The following ROCK2 variants were observed in gnomAD, a reference collection of about 807,000 sequenced individuals.
The protein encoded by ROCK2 is rho-associated protein kinase 2.
A neutral mutation model predicts 195.1 loss-of-function variants in ROCK2; 61 were observed. The observed-to-expected ratio is 0.31, with a 90% CI of 0.25 to 0.39. The LOEUF (loss-of-function observed/expected upper bound fraction) is 0.39. Among genes scored for constraint, ROCK2 ranks in the 10% least tolerant of loss-of-function variants. The pLI, the probability that ROCK2 is intolerant of heterozygous loss-of-function variation, is 1.00. For synonymous variants in ROCK2, 504 were observed against 545.5 expected (o/e 0.92, Z 1.06); for missense variants, 1,109 against 1,637.4 (o/e 0.68, Z 5.57).
At chr2:11,227,550 T>C in intron 5 of ROCK2, 152 bp from the exon 6 acceptor site, 1 of 582,164 alleles carries the variant, frequency 1.7e-6, no homozygotes, top group Non-Finnish European at 2.8e-6. Context: ...ATACAGAGAA[T>C]AAATACACTG....
intron 1 of ROCK2, among the ~76,000 whole-genome samples, chr2:11,331,212 T>C (rs888028537): frequency 1.3e-5 from 2 of 152,200 alleles, no homozygotes; most frequent in Non-Finnish European, 2.9e-5. Context: ...ATTCTGAGTA[T>C]GACTTCTAGA....
intron 3 of ROCK2, among the ~76,000 whole-genome samples, chr2:11,261,255 G>A (rs865810345): frequency 6.6e-6 from 1 of 152,176 alleles, no homozygotes; most frequent in Non-Finnish European, 1.5e-5. Context: ...GCTTATTTAT[G>A]CCAAATATCT....
intron 3 of ROCK2, among the ~76,000 whole-genome samples, chr2:11,267,573 T>C (rs538512700): frequency 6.6e-6 from 1 of 151,946 alleles, no homozygotes; most frequent in East Asian, 1.9e-4. Context: ...TAACAAAGCT[T>C]CATTGCTTTC....
chr2:11,215,604 T>C lies in ROCK2; in HGVS notation c.1503A>G (p.Leu501=), dbSNP rs571494831. The change falls in exon 14 of 33, where the codon TTA becomes TTG. Residue 501 remains leucine, a synonymous_variant. Coordinates refer to ENST00000315872, the MANE Select transcript of ROCK2 (RefSeq NM_004850.5). ...GCTGAAGAAGCGCCTTTTCTCTTTC[T>C]AACTGTCTTAATGCTGATTCCACAC... ...RKSVESALRQ[L]EREKALLQHK... is the part of the protein sequence containing the mutation. 7.4e-6 allele frequency: 12 copies of C among 1,613,300 alleles called. No individual in the cohort carries two copies. In the South Asian group the frequency reaches 1.2e-4, roughly 16 times the overall value.
intron 14 of ROCK2, 43 bp downstream of exon 14, chr2:11,215,463 CACTT>C (rs774466446): frequency 1.9e-6 from 3 of 1,606,708 alleles, no homozygotes; most frequent in South Asian, 1.1e-5. Flanking sequence ...CACATACACA[CACTT>C]AATTTTTTTC....
chr2:11,184,633 C>T, intron 32 of ROCK2: 1 of 982,726 alleles, frequency 1.0e-6, no homozygotes, highest in Non-Finnish European at 1.2e-6. Flanking sequence ...CGTTGAAGTA[C>T]TAAAATAACT....
intron 3 of ROCK2, among the ~76,000 whole-genome samples, chr2:11,255,481 T>C (rs1252218606): frequency 2.7e-5 from 4 of 150,156 alleles, no homozygotes; most frequent in East Asian, 1.9e-4. Flanking sequence ...AAGCAGTCAA[T>C]AGAAAATGGC....
At chr2:11,227,421 G>GA in intron 5 of ROCK2, 23 bp from the exon 6 acceptor site, 2 of 1,589,208 alleles carry the variant, frequency 1.3e-6, no homozygotes, top group Middle Eastern at 1.7e-4. Flanking sequence ...GAGAGATAAA[G>GA]AAAAAACAGT....
At chr2:11,288,840 G>A (rs13030319) in intron 1 of ROCK2, among the ~76,000 whole-genome samples, 60,143 of 151,938 alleles carry the variant, frequency 0.4, 13,499 homozygotes, top group Admixed American at 0.52. Context: ...GGGAGGCTAA[G>A]GCAGGAGGAT....
chr2:11,269,682 G>A (rs952922515), intron 3 of ROCK2, among the ~76,000 whole-genome samples: 4 of 152,096 alleles, frequency 2.6e-5, no homozygotes, highest in East Asian at 1.9e-4. Flanking sequence ...TCCAGGTAAC[G>A]AAAGAGATTC....
chr2:11,284,733 C>A (rs1667126946), intron 3 of ROCK2, among the ~76,000 whole-genome samples: 1 of 152,130 alleles, frequency 6.6e-6, no homozygotes, highest in African/African-American at 2.4e-5. Flanking sequence ...TGCTTACAAT[C>A]CAAGGAAAAT....
chr2:11,240,236 T>G (rs1665375034), intron 4 of ROCK2, among the ~76,000 whole-genome samples: 1 of 152,332 alleles, frequency 6.6e-6, no homozygotes, highest in East Asian at 1.9e-4. Context: ...CTTCTAATCA[T>G]GTGTTTGGTC....
At chr2:11,272,479 TA>T (rs1424941896) in intron 3 of ROCK2, among the ~76,000 whole-genome samples, 1 of 152,150 alleles carries the variant, frequency 6.6e-6, no homozygotes. Flanking sequence ...TTGTTCTATA[TA>T]AAAAATTGAT....
rs571830972 is a variant in ROCK2, at chr2:11,247,543, A to G, written c.462+2118T>C. The stretch of plus-strand genomic sequence containing the variant: ...CAGATCCATTATCTCAATTACTTCA[A>G]TAATCAGCAGATTTTCTTCTATCTC... On this transcript the variant is annotated intron_variant, in intron 4 of 32. Coordinates refer to ENST00000315872, the MANE Select transcript of ROCK2 (RefSeq NM_004850.5). Among the ~76,000 whole-genome samples the G allele has an allele frequency of 2.8e-4, 43 of 152,324 alleles. No individual in the cohort carries two copies. In the South Asian group the frequency reaches 8.9e-3, roughly 32 times the overall value.
rs41439451 is a variant in ROCK2 at position 11,306,702 on chromosome 2, G to A, written c.142-18966C>T. Among the ~76,000 whole-genome samples the A allele has an allele frequency of 8.9e-3, 1,361 of 152,302 alleles. 16 individuals carry two copies. Among genetic ancestry groups the A allele is most frequent in the African/African-American group, 0.031 (1,286 of 41,558 alleles). On this transcript the variant is annotated intron_variant, in intron 1 of 32. Coordinates refer to ENST00000315872, the MANE Select transcript of ROCK2 (RefSeq NM_004850.5). ...TCCGCTGTTAACTTGATAGCTCCGGGATATCATTTCAACAAATATGTCTAC... is the reference window on the plus strand; with the variant it reads ...TCCGCTGTTAACTTGATAGCTCCGGAATATCATTTCAACAAATATGTCTAC...
rs769195202 is a variant in ROCK2 at position 11,224,297 on chromosome 2, T to C, written c.1007+25A>G. On this transcript the variant is annotated intron_variant, in intron 7 of 32. Coordinates refer to ENST00000315872, the MANE Select transcript of ROCK2 (RefSeq NM_004850.5). ...ATAAATTTAACATAAAGGGCTTCTC[T>C]ACAAAGAAATTCAATGTACATTACC... The C allele has an allele frequency of 3.2e-6, 5 of 1,580,940 alleles. No homozygotes were observed. The South Asian group carries it at 4.7e-5, about 15-fold the overall frequency.
chr2:11,287,748 T>A lies in ROCK2; in HGVS notation c.142-12A>T, dbSNP rs1482404734. 6.1e-6 allele frequency: 7 copies of A among 1,148,764 alleles called. No homozygotes were observed. The highest frequency in any genetic ancestry group is 8.3e-6 in the Non-Finnish European group (7 of 840,134). 71.2% of individuals were successfully genotyped at this position (1,148,764 alleles called of 1,614,324 possible). A position where few individuals can be genotyped will look rare whatever the true frequency, so the allele number is the denominator to read the frequency against. On this transcript the variant is annotated splice_polypyrimidine_tract_variant and intron_variant, in intron 1 of 32. Transcript: ENST00000315872. The stretch of plus-strand genomic sequence containing the variant: ...GAATTTAAGCCATCCTGTTAAGAAA[T>A]AAAAAGAGGAAATGACAGTTTTTAC...
chr2:11,196,450 A>AT (rs138005481), intron 27 of ROCK2, among the ~76,000 whole-genome samples: 2 of 152,374 alleles, frequency 1.3e-5, no homozygotes, highest in Non-Finnish European at 2.9e-5. Context: ...CTTAAGCAAT[A>AT]TAATGTATTA....
intron 1 of ROCK2, among the ~76,000 whole-genome samples, chr2:11,319,128 C>T (rs1668322014): frequency 6.6e-6 from 1 of 152,080 alleles, no homozygotes; most frequent in Non-Finnish European, 1.5e-5. Context: ...TAGTTTTTTC[C>T]AATTCTGTGA....
Sources: gnomAD v4.1 joint callset for allele counts (sites outside exome capture counted in the v4.1 genomes callset) on GRCh38, gnomAD v4.1.1 for gene constraint, MANE v1.5 for transcripts, NCBI Gene and HGNC (gene_info 2026-07-23, HGNC 2026-07-21) for gene names.